ZNF860: variants seen among roughly 807,000 people sequenced by gnomAD.
The protein encoded by ZNF860 is zinc finger protein 860.
For missense variants in ZNF860, 641 were observed against 759.2 expected (o/e 0.84, Z 1.83); for synonymous variants, 206 against 248.9 (o/e 0.83, Z 1.62).
chr3:31,991,137 A>G lies in ZNF860; in HGVS notation c.*159A>G. On this transcript the variant is annotated 3_prime_UTR_variant, in exon 2 of 2. Transcript: ENST00000360311. Reference sequence around the variant, plus strand: ...ACATTGAGTTCAAGCATTAATTGACATTAAAGTGTTTACGTTAAGAGGATT... The same window carrying G: ...ACATTGAGTTCAAGCATTAATTGACGTTAAAGTGTTTACGTTAAGAGGATT... The G allele has an allele frequency of 2.6e-6, 2 of 776,474 alleles. No homozygotes were observed. The highest frequency in any genetic ancestry group is 3.8e-5 in the South Asian group (2 of 52,252). The allele number at this position is 776,474 out of a possible 1,614,324, so 48.1% of individuals were successfully genotyped here. A position where few individuals can be genotyped will look rare whatever the true frequency, so the allele number is the denominator to read the frequency against.
chr3:31,989,491 A>G lies in ZNF860; in HGVS notation c.412A>G (p.Thr138Ala). 6.2e-7 allele frequency: 1 copy of G among 1,614,228 alleles called. No individual in the cohort carries two copies. Among genetic ancestry groups the G allele is most frequent in the Non-Finnish European group, 8.5e-7 (1 of 1,180,032 alleles). Residue 138 changes from threonine to alanine, a missense_variant, in exon 2 of 2, where the codon ACC becomes GCC. Coordinates refer to ENST00000360311, the MANE Select transcript of ZNF860 (RefSeq NM_001137674.3). Reference sequence around the variant, plus strand: ...ACAAATCAAAAAGTTGACTGGTAGCACCGACAGATATGATCGAAGGCATCC... The same window carrying G: ...ACAAATCAAAAAGTTGACTGGTAGCGCCGACAGATATGATCGAAGGCATCC... Reference protein sequence around the residue: ...MTQIKKLTGSTDRYDRRHPGN... With the variant: ...MTQIKKLTGSADRYDRRHPGN...
At chr3:32,002,754 G>A in the ZNF860 span, among the ~76,000 whole-genome samples, 1 of 152,220 alleles carries the variant, frequency 6.6e-6, no homozygotes, top group African/African-American at 2.4e-5. Flanking sequence ...CAAGAAGGGG[G>A]TTGTTGTGAC....
chr3:31,988,224 T>A (rs1698964078), intron 1 of ZNF860, among the ~76,000 whole-genome samples: 1 of 152,202 alleles, frequency 6.6e-6, no homozygotes, highest in Non-Finnish European at 1.5e-5. Flanking sequence ...CCAGTCTCTT[T>A]AGTTTCACAG....
rs1397026961 is a variant in ZNF860, at chr3:31,989,726, TACTC to T, written c.650_653del (p.Leu217HisfsTer2). The T allele has an allele frequency of 2.5e-6, 4 of 1,614,000 alleles. No individual in the cohort carries two copies. Among genetic ancestry groups the T allele is most frequent in the Non-Finnish European group, 3.4e-6 (4 of 1,180,008 alleles). ...GAAAATAATTTCTTCCATTCATCAT[TACTC>T]ACACTAAAACAGGAAGTACACATAA... On this transcript the variant is annotated frameshift_variant, in exon 2 of 2. Coordinates refer to ENST00000360311, the MANE Select transcript of ZNF860 (RefSeq NM_001137674.3). LOFTEE classifies it low-confidence loss of function (END_TRUNC).
intron 1 of ZNF860, among the ~76,000 whole-genome samples, chr3:31,986,760 C>T (rs75085711): frequency 0.035 from 5,316 of 152,146 alleles, 136 homozygotes; most frequent in South Asian, 0.073. Context: ...CATATAATCC[C>T]AGCACTGTGG....
In ZNF860 at chr3:31,988,888, C is replaced by T. The variant is rs142087868; in HGVS notation, c.-192C>T. On this transcript the variant is annotated 5_prime_UTR_variant, in exon 2 of 2. Transcript: ENST00000360311. ...AGCTTGACTACAACCCAGAGAGACA[C>T]TGAGCCAGGAACACCCAGCTGAAGT... 7.4e-4 allele frequency: 505 copies of T among 679,340 alleles called. 5 individuals are homozygous for T. The East Asian group carries it at 0.013, about 18-fold the overall frequency. The allele number at this position is 679,340 out of a possible 1,614,324, so 42.1% of individuals were successfully genotyped here.
At chr3:31,995,961 G>C (rs1699086979), downstream of ZNF860, among the ~76,000 whole-genome samples, 1 of 152,142 alleles carries the variant, frequency 6.6e-6, no homozygotes, top group Non-Finnish European at 1.5e-5. Context: ...GTGGAGGGCT[G>C]GAAATGGAGG....
the ZNF860 span, among the ~76,000 whole-genome samples, chr3:32,002,088 G>A: frequency 4.6e-5 from 7 of 152,286 alleles, no homozygotes; most frequent in East Asian, 1.2e-3. Flanking sequence ...GGTTGGCTAG[G>A]TCCTAGGTAT....
At position 31,990,962 on chromosome 3, in the gene ZNF860, G is replaced by A. The variant is rs1411379312; in HGVS notation, c.1883G>A (p.Gly628Asp). 3.2e-6 allele frequency: 5 copies of A among 1,574,170 alleles called. No individual in the cohort carries two copies. The South Asian group carries it at 4.7e-5, about 15-fold the overall frequency. Residue 628 changes from glycine (G) to aspartate (D), a missense_variant, in exon 2 of 2, where the codon GGC (glycine) becomes GAC (aspartate). Physicochemically the swap from Gly to Asp is moderately conservative, Grantham distance 94 (BLOSUM62 -1). Coordinates refer to ENST00000360311, the MANE Select transcript of ZNF860 (RefSeq NM_001137674.3). ...AAATCTTACAAATGTCATAAGCGTG[G>A]CAAGGTCTTCAGTTAGAGGTCACTC... ...GQKSYKCHKR[G>D]KVFS
downstream of ZNF860, among the ~76,000 whole-genome samples, chr3:31,992,369 T>A (rs1271393429): frequency 6.6e-6 from 1 of 152,202 alleles, no homozygotes; most frequent in East Asian, 1.9e-4. Flanking sequence ...CAATACAACT[T>A]GATTATTTTA....
chr3:31,985,122 C>A (rs1166427695), intron 1 of ZNF860, among the ~76,000 whole-genome samples: 1 of 152,116 alleles, frequency 6.6e-6, no homozygotes, highest in Non-Finnish European at 1.5e-5. Context: ...GCCTGTAGTC[C>A]CAGCTACTCA....
intron 1 of ZNF860, among the ~76,000 whole-genome samples, chr3:31,983,006 C>G (rs1292959011): frequency 6.6e-6 from 1 of 152,204 alleles, no homozygotes; most frequent in Non-Finnish European, 1.5e-5. Context: ...CCCAGGAGAG[C>G]AGCATGTCCC....
At chr3:31,988,633 CCT>C (rs1387110983) in intron 1 of ZNF860, 25 bp from the exon 2 acceptor site, 7 of 180,448 alleles carry the variant, frequency 3.9e-5, no homozygotes, top group Non-Finnish European at 3.5e-5. Flanking sequence ...TCTCTCTCCC[CCT>C]GTCTTTCTCT....
chr3:32,000,088 G>C, the ZNF860 span, among the ~76,000 whole-genome samples: 9,633 of 152,136 alleles, frequency 0.063, 597 homozygotes, highest in East Asian at 0.32. Flanking sequence ...TTCTAAGTCA[G>C]CCTTCATTTC....
rs758007763 is a variant in ZNF860, at chr3:31,989,922, T to C, written c.843T>C (p.Thr281=). The C allele has an allele frequency of 2.4e-5, 39 of 1,614,098 alleles. No homozygotes were observed. The South Asian group carries it at 4.0e-4, about 16-fold the overall frequency. ...RYLACHHRCH[T]GEKPYKCNEC... ...TTGCATGCCATCATAGATGTCACAC[T>C]GGTGAGAAACCTTACAAGTGTAATG... Residue 281 remains threonine (T), a synonymous_variant, in exon 2 of 2, where the codon ACT becomes ACC. Transcript: ENST00000360311.
chr3:31,986,364 A>G (rs1183432014), intron 1 of ZNF860: 2 of 152,250 alleles, frequency 1.3e-5, no homozygotes, highest in African/African-American at 2.4e-5. Context: ...TGACGTGTAC[A>G]TGCAACCTTA....
At chr3:32,000,119 C>G in the ZNF860 span, among the ~76,000 whole-genome samples, 1 of 152,128 alleles carries the variant, frequency 6.6e-6, no homozygotes, top group Non-Finnish European at 1.5e-5. Flanking sequence ...GTCATACCAG[C>G]TTATTCTATT....
chr3:31,997,662 T>A, the ZNF860 span, among the ~76,000 whole-genome samples: 29 of 152,146 alleles, frequency 1.9e-4, no homozygotes, highest in South Asian at 5.6e-3. Context: ...TATCAAATAG[T>A]CTGCTTACCA....
At chr3:31,993,144 AAATGCAG>A (rs1207545283), downstream of ZNF860, among the ~76,000 whole-genome samples, 2 of 151,960 alleles carry the variant, frequency 1.3e-5, no homozygotes, top group African/African-American at 4.8e-5. Context: ...AGAACCCTCA[AAATGCAG>A]AAGTAAGAAA....
Sources: allele counts gnomAD v4.1 joint callset (sites outside exome capture counted in the v4.1 genomes callset), GRCh38; gene constraint gnomAD v4.1.1; transcripts MANE v1.5; gene names NCBI Gene and HGNC (gene_info 2026-07-23, HGNC 2026-07-21).